The following LCP2 variants were observed in gnomAD, a reference collection of about 807,000 sequenced individuals.
The protein encoded by LCP2 is lymphocyte cytosolic protein 2, also known as 76 kDa tyrosine phosphoprotein.
In LCP2, 29 loss-of-function variants were observed where a neutral mutation model predicts 74.5. That is an observed-to-expected ratio of 0.39 (90% confidence interval 0.29 to 0.53). LCP2 has a LOEUF of 0.53. LCP2 is among the 20% of genes least tolerant of loss of function. LCP2 has a pLI of 0.72. For missense variants in LCP2, 604 were observed against 634.6 expected, an observed-to-expected ratio of 0.95 and a Z score of 0.52; for synonymous variants, 228 against 229.5, an observed-to-expected ratio of 0.99 and a Z score of 0.06.
At chr5:170,293,785 T>C (rs1762328345) in intron 1 of LCP2, among the ~76,000 whole-genome samples, 1 of 152,232 alleles carries the variant, frequency 6.6e-6, no homozygotes, top group African/African-American at 2.4e-5. Flanking sequence ...ATGATTTATA[T>C]TCAATCTCAT....
At chr5:170,280,096 T>C (rs1387088119) in intron 3 of LCP2, among the ~76,000 whole-genome samples, 1 of 152,154 alleles carries the variant, frequency 6.6e-6, no homozygotes, top group Non-Finnish European at 1.5e-5. Context: ...GTGGCACGTG[T>C]AGCTGTGTAC....
chr5:170,293,378 A>G lies in LCP2; in HGVS notation c.79-6T>C. 6.3e-7 allele frequency: 1 copy of G among 1,589,106 alleles called. No homozygotes were observed. Among genetic ancestry groups the G allele is most frequent in the Middle Eastern group, 1.7e-4 (1 of 6,038 alleles). On this transcript the variant is annotated splice_region_variant and splice_polypyrimidine_tract_variant and intron_variant, in intron 1 of 20. Transcript: ENST00000046794. ...TCACAGTCCTTATAGTTGAGCTGCA[A>G]AGAGAAGGGGAAGGTGTTGTTAGTG...
In LCP2 at chr5:170,274,349, A is replaced by T; in HGVS notation, c.287-11T>A. 6.2e-7 allele frequency: 1 copy of T among 1,612,562 alleles called. No homozygotes were observed. Among genetic ancestry groups the T allele is most frequent in the Non-Finnish European group, 8.5e-7 (1 of 1,179,320 alleles). On this transcript the variant is annotated splice_polypyrimidine_tract_variant and intron_variant, in intron 5 of 20. Coordinates refer to ENST00000046794, the MANE Select transcript of LCP2 (RefSeq NM_005565.5). ...CCTCTTCGTGGCTTTCTGTGGAAGG[A>T]GATGACACCACCATCAGCACTGAAG... is the stretch of plus-strand genomic sequence containing the variant.
intron 6 of LCP2, 185 bp downstream of exon 6, chr5:170,274,116 G>A (rs1026926379): frequency 2.6e-5 from 16 of 613,710 alleles, no homozygotes; most frequent in Non-Finnish European, 4.1e-5. Context: ...GACAGAGAGT[G>A]CATGGCTCCC....
chr5:170,261,151 G>A lies in LCP2; in HGVS notation c.927-14C>T, dbSNP rs116736533. 0.023 allele frequency: 35,877 copies of A among 1,590,822 alleles called. 510 individuals are homozygous for A. Among genetic ancestry groups the A allele is most frequent in the Middle Eastern group, 0.055 (329 of 6,018 alleles). ...CCCCATCCATGCCTGAAATGAATTA[G>A]GGCAAATAAAAAGAACTGAGCATGA... is the stretch of plus-strand genomic sequence containing the variant. On this transcript the variant is annotated splice_polypyrimidine_tract_variant and intron_variant, in intron 13 of 20. Coordinates refer to ENST00000046794, the MANE Select transcript of LCP2 (RefSeq NM_005565.5).
chr5:170,296,870 T>C (rs908158553), intron 1 of LCP2, among the ~76,000 whole-genome samples: 4 of 152,186 alleles, frequency 2.6e-5, no homozygotes, highest in Admixed American at 6.5e-5. Flanking sequence ...TCTGTCCTGC[T>C]TCACAAGACT....
chr5:170,259,229 G>A (rs1761612674), intron 14 of LCP2, among the ~76,000 whole-genome samples: 2 of 152,176 alleles, frequency 1.3e-5, no homozygotes, highest in South Asian at 2.1e-4. Flanking sequence ...TTCCCCTAGT[G>A]ACCCCCCAAA....
At chr5:170,279,308 G>A (rs1762063582) in intron 3 of LCP2, among the ~76,000 whole-genome samples, 1 of 152,160 alleles carries the variant, frequency 6.6e-6, no homozygotes, top group Non-Finnish European at 1.5e-5. Flanking sequence ...CATGGTGGGG[G>A]CCAGTCTTCA....
At chr5:170,281,181 T>A (rs953831380) in intron 3 of LCP2, among the ~76,000 whole-genome samples, 1 of 152,126 alleles carries the variant, frequency 6.6e-6, no homozygotes, top group South Asian at 2.1e-4. Context: ...CCTTGAGGAC[T>A]GACAAGAGCT....
At chr5:170,286,430 A>C (rs1481718173) in intron 3 of LCP2, among the ~76,000 whole-genome samples, 1 of 152,248 alleles carries the variant, frequency 6.6e-6, no homozygotes, top group East Asian at 1.9e-4. Flanking sequence ...ACCTGTGTGG[A>C]AAGTTCCCTC....
chr5:170,268,342 G>A, intron 8 of LCP2, 43 bp downstream of exon 8: 2 of 298,830 alleles, frequency 6.7e-6, no homozygotes, highest in Non-Finnish European at 1.3e-5. Context: ...GGAAATAACT[G>A]CAGTGGACAC....
intron 3 of LCP2, among the ~76,000 whole-genome samples, chr5:170,286,272 G>A (rs946797512): frequency 1.3e-5 from 2 of 152,182 alleles, no homozygotes; most frequent in African/African-American, 2.4e-5. Context: ...TATTGCCACA[G>A]TAGAATATAA....
In LCP2 at chr5:170,287,293, A is replaced by C. The variant is rs184363996; in HGVS notation, c.188+677T>G. 1.2e-3 allele frequency among the ~76,000 whole-genome samples: 178 copies of C among 152,326 alleles called. 2 individuals are homozygous for C. The highest frequency in any genetic ancestry group is 4.1e-3 in the African/African-American group (171 of 41,572). On this transcript the variant is annotated intron_variant, in intron 3 of 20. Coordinates refer to ENST00000046794, the MANE Select transcript of LCP2 (RefSeq NM_005565.5). ...TTTTGTCCAATGATGATAAAACAAAACAAAACAAAACAACGGGGCTTTGTG... is the reference window on the plus strand; with the variant it reads ...TTTTGTCCAATGATGATAAAACAAACCAAAACAAAACAACGGGGCTTTGTG...
chr5:170,270,829 G>T lies in LCP2; in HGVS notation c.413C>A (p.Pro138His). 1 of 1,611,622 alleles carries T rather than the reference G, an allele frequency of 6.2e-7. No homozygotes were observed. Among genetic ancestry groups the T allele is most frequent in the Non-Finnish European group, 8.5e-7 (1 of 1,178,832 alleles). The change falls in exon 7 of 21, where the codon CCC (proline) becomes CAC (histidine). Residue 138 changes from proline (P) to histidine (H), a missense_variant. Physicochemically the swap from Pro to His is moderately conservative, Grantham distance 77. Transcript: ENST00000046794. ...YESPNEEEEAPVEDDADYEPP... is the reference protein window; with the variant it reads ...YESPNEEEEAHVEDDADYEPP... ...CTCATAATCCGCGTCATCTTCCACG[G>T]GTGCCTCTTCCTCCTCATTGGGGGA...
chr5:170,277,666 C>T (rs1278965715), intron 3 of LCP2, among the ~76,000 whole-genome samples: 1 of 149,584 alleles, frequency 6.7e-6, no homozygotes, highest in Non-Finnish European at 1.5e-5. Context: ...ACCACTTGAA[C>T]CTGGGAGTCA....
At chr5:170,259,367 T>C (rs968577678) in intron 14 of LCP2, among the ~76,000 whole-genome samples, 3 of 152,208 alleles carry the variant, frequency 2.0e-5, no homozygotes, top group South Asian at 2.1e-4. Flanking sequence ...GGCTCTCTTT[T>C]GCAATGGCCA....
At chr5:170,289,740 T>G (rs1040580168) in intron 2 of LCP2, among the ~76,000 whole-genome samples, 2 of 126,086 alleles carry the variant, frequency 1.6e-5, no homozygotes, top group Non-Finnish European at 3.1e-5. Context: ...TTCCTGTCTT[T>G]TCTTTTCTTT....
intron 2 of LCP2, among the ~76,000 whole-genome samples, chr5:170,288,445 G>A (rs1047366028): frequency 2.6e-5 from 4 of 152,198 alleles, no homozygotes; most frequent in Non-Finnish European, 5.9e-5. Flanking sequence ...CCAGCCTGGA[G>A]GAGTCTGTGC....
intron 3 of LCP2, among the ~76,000 whole-genome samples, chr5:170,286,713 C>T (rs762095962): frequency 3.3e-5 from 5 of 152,324 alleles, no homozygotes; most frequent in Middle Eastern, 3.4e-3. Context: ...TCTCTTTTCC[C>T]TCCCCCTTCC....
Sources: allele counts gnomAD v4.1 joint callset (sites outside exome capture counted in the v4.1 genomes callset), GRCh38; gene constraint gnomAD v4.1.1; transcripts MANE v1.5; gene names NCBI Gene and HGNC (gene_info 2026-07-23, HGNC 2026-07-21).